Variants in CAMTA1 observed in about 807,000 individuals in gnomAD.
The protein encoded by CAMTA1 is calmodulin binding transcription activator 1, also known as calmodulin-binding transcription activator 1.
In CAMTA1, 27 loss-of-function variants were observed where a neutral mutation model predicts 170.9. The ratio of observed to expected loss-of-function variants is 0.16; its 90% CI spans 0.12 to 0.22. CAMTA1 has a LOEUF of 0.22. Among genes scored for constraint, CAMTA1 ranks in the 10% least tolerant of loss-of-function variants. The pLI, the probability that CAMTA1 is intolerant of heterozygous loss-of-function variation, is 1.00. For synonymous variants in CAMTA1, 833 were observed against 891.5 expected, an observed-to-expected ratio of 0.93 and a Z score of 1.17; for missense variants, 1,619 against 2,217.2, an observed-to-expected ratio of 0.73 and a Z score of 5.42.
At chr1:7,038,706 A>C (rs1703992870) in intron 3 of CAMTA1, among the ~76,000 whole-genome samples, 1 of 152,248 alleles carries the variant, frequency 6.6e-6, no homozygotes, top group Non-Finnish European at 1.5e-5. Flanking sequence ...TTGAAACATT[A>C]GTTTTTATAA....
chr1:7,567,954 T>C (rs1179810146), intron 6 of CAMTA1, among the ~76,000 whole-genome samples: 3 of 152,214 alleles, frequency 2.0e-5, no homozygotes, highest in African/African-American at 4.8e-5. Context: ...GATAATACTA[T>C]CACCTACCTA....
chr1:7,543,947 G>A (rs925518881), intron 6 of CAMTA1, among the ~76,000 whole-genome samples: 15 of 152,002 alleles, frequency 9.9e-5, no homozygotes, highest in African/African-American at 3.6e-4. Flanking sequence ...GTTAAACCAA[G>A]CTTAGTTTAA....
chr1:7,497,471 A>T (rs1400971233), intron 6 of CAMTA1, among the ~76,000 whole-genome samples: 1 of 152,236 alleles, frequency 6.6e-6, no homozygotes, highest in Non-Finnish European at 1.5e-5. Context: ...GAGAACAGGA[A>T]TGACATCCCC....
At chr1:7,355,096 C>G (rs1291386830) in intron 5 of CAMTA1, among the ~76,000 whole-genome samples, 3 of 151,452 alleles carry the variant, frequency 2.0e-5, no homozygotes, top group Non-Finnish European at 4.4e-5. Flanking sequence ...ATCCCAGCCA[C>G]TTGGGATGCT....
At chr1:7,026,790 C>T (rs1014024227) in intron 3 of CAMTA1, among the ~76,000 whole-genome samples, 1 of 152,028 alleles carries the variant, frequency 6.6e-6, no homozygotes, top group Non-Finnish European at 1.5e-5. Context: ...GCCACCACAT[C>T]CAGCTAATTT....
At chr1:6,797,591 T>C (rs1468058177) in intron 1 of CAMTA1, among the ~76,000 whole-genome samples, 3 of 152,058 alleles carry the variant, frequency 2.0e-5, no homozygotes, top group Non-Finnish European at 4.4e-5. Context: ...TTTACCATGT[T>C]GGCCAGGCTG....
intron 7 of CAMTA1, among the ~76,000 whole-genome samples, chr1:7,654,951 C>T (rs1439391789): frequency 6.7e-6 from 1 of 149,788 alleles, no homozygotes; most frequent in African/African-American, 2.5e-5. Flanking sequence ...CACCTATACA[C>T]ACACAAACAC....
intron 5 of CAMTA1, among the ~76,000 whole-genome samples, chr1:7,345,044 C>T (rs951977468): frequency 6.6e-6 from 1 of 151,932 alleles, no homozygotes; most frequent in African/African-American, 2.4e-5. Context: ...AGCCACCGCG[C>T]CCAGCCTCCT....
In CAMTA1 at chr1:7,493,061, G is replaced by A. The variant is rs572579888; in HGVS notation, c.510+25160G>A. Among the ~76,000 whole-genome samples the A allele has an allele frequency of 3.2e-4, 22 of 68,786 alleles. 1 individual carries two copies. The highest frequency in any genetic ancestry group is 2.0e-3 in the South Asian group (4 of 2,014). 45.1% of individuals were successfully genotyped at this position (68,786 alleles called of 152,430 possible). ...CAAACACAAACCTACATACACACGC[G>A]CGCACACACACAGACATACAAACGT... On this transcript the variant is annotated intron_variant, in intron 6 of 22. Transcript: ENST00000303635.
In CAMTA1 at chr1:7,224,516, GGTT is replaced by G. The variant is rs1286334952; in HGVS notation, c.303-24974_303-24972del. Among the ~76,000 whole-genome samples the G allele has an allele frequency of 1.3e-5, 2 of 152,094 alleles. No homozygotes were observed. Among genetic ancestry groups the G allele is most frequent in the Non-Finnish European group, 2.9e-5 (2 of 68,016 alleles). ...ACTATTTTCCACTTGCTAAAATTAA[GGTT>G]ATTATTATTATTTTTCAGGAATCTG... On this transcript the variant is annotated intron_variant, in intron 4 of 22. Transcript: ENST00000303635. This position sits in a 1 kb window ranked among gnomAD's most constrained non-coding sequence, Gnocchi z 5.2.
At chr1:6,815,450 C>T (rs531360759) in intron 1 of CAMTA1, among the ~76,000 whole-genome samples, 22 of 152,284 alleles carry the variant, frequency 1.4e-4, no homozygotes, top group African/African-American at 5.3e-4. Flanking sequence ...GCAGTCCTCT[C>T]GCCTTGGCCT....
At position 7,435,060 on chromosome 1, in the gene CAMTA1, A is replaced by G. The variant is rs555237296; in HGVS notation, c.439-32770A>G. On this transcript the variant is annotated intron_variant, in intron 5 of 22. Coordinates refer to ENST00000303635, the MANE Select transcript of CAMTA1 (RefSeq NM_015215.4). This position sits in a 1 kb window ranked among gnomAD's most constrained non-coding sequence, Gnocchi z 4.4. ...GCAAAACCCTGTCTCAAAACAAGAA[A>G]AAAGAAAAAAAAGAAGGCAGAGGGC... Among the ~76,000 whole-genome samples, 43 of 152,220 alleles carry G rather than the reference A, an allele frequency of 2.8e-4. No homozygotes were observed. Among genetic ancestry groups the G allele is most frequent in the African/African-American group, 9.9e-4 (41 of 41,526 alleles).
At chr1:7,341,748 C>T (rs1242745489) in intron 5 of CAMTA1, among the ~76,000 whole-genome samples, 2 of 152,248 alleles carry the variant, frequency 1.3e-5, no homozygotes, top group Non-Finnish European at 2.9e-5. Flanking sequence ...GCATCTTGGC[C>T]AGGGTCCAGT....
At chr1:7,472,819 A>G (rs1575504701) in intron 6 of CAMTA1, among the ~76,000 whole-genome samples, 1 of 152,284 alleles carries the variant, frequency 6.6e-6, no homozygotes, top group East Asian at 1.9e-4. Flanking sequence ...GAGCCCAGCC[A>G]CAGCAGCCTC....
Position 7,156,008 on chromosome 1 carries a change from T to G in CAMTA1, c.302+64637T>G, listed in dbSNP as rs531404581. Among the ~76,000 whole-genome samples, 13 of 152,150 alleles carry G rather than the reference T, an allele frequency of 8.5e-5. No homozygotes were observed. The South Asian group carries it at 2.7e-3, about 32-fold the overall frequency. On this transcript the variant is annotated intron_variant, in intron 4 of 22. Transcript: ENST00000303635. Reference sequence around the variant, plus strand: ...TGGCTCACAGCTGTAATCTCAGCACTTTGGGATGCCGAGATGGGAGGATCA... The same window carrying G: ...TGGCTCACAGCTGTAATCTCAGCACGTTGGGATGCCGAGATGGGAGGATCA...
At chr1:6,797,701 A>C (rs1031807793) in intron 1 of CAMTA1, among the ~76,000 whole-genome samples, 2 of 151,936 alleles carry the variant, frequency 1.3e-5, no homozygotes, top group African/African-American at 4.8e-5. Flanking sequence ...ATGACTTTTT[A>C]AATGCCATAA....
chr1:6,796,754 C>T (rs937571193), intron 1 of CAMTA1, among the ~76,000 whole-genome samples: 2 of 152,114 alleles, frequency 1.3e-5, no homozygotes, highest in African/African-American at 4.8e-5. Context: ...TCACTGCTTG[C>T]AGTTCAGTAC....
At chr1:6,925,464 G>A (rs1682909360) in intron 3 of CAMTA1, among the ~76,000 whole-genome samples, 1 of 152,184 alleles carries the variant, frequency 6.6e-6, no homozygotes, top group Non-Finnish European at 1.5e-5. Context: ...GGATTTAATC[G>A]AATGGCTCAA....
At chr1:7,720,501 C>T (rs2096642705) in intron 11 of CAMTA1, among the ~76,000 whole-genome samples, 1 of 152,112 alleles carries the variant, frequency 6.6e-6, no homozygotes, top group Non-Finnish European at 1.5e-5. Context: ...CCTGCCTCAG[C>T]CTCCTGAGTG....
Sources: allele counts gnomAD v4.1 joint callset (sites outside exome capture counted in the v4.1 genomes callset), GRCh38; gene constraint gnomAD v4.1.1; non-coding constraint Gnocchi (gnomAD v3.1); transcripts MANE v1.5; gene names NCBI Gene and HGNC (gene_info 2026-07-23, HGNC 2026-07-21).